The following STARD7 variants were observed in gnomAD, a reference collection of about 807,000 sequenced individuals.
STARD7 encodes StAR related lipid transfer domain containing 7.
STARD7 carries 30 observed loss-of-function variants against 45.3 expected under a neutral mutation model. The ratio of observed to expected loss-of-function variants is 0.66; its 90% CI spans 0.50 to 0.90. The LOEUF is 0.90. Ranked by LOEUF, STARD7 falls within the 40% of genes least tolerant of loss-of-function variation. The pLI, the probability that STARD7 is intolerant of heterozygous loss-of-function variation, is 0.00. For synonymous variants in STARD7, 199 were observed against 183.0 expected, an observed-to-expected ratio of 1.09 and a Z score of -0.70; for missense variants, 495 against 491.3, an observed-to-expected ratio of 1.01 and a Z score of -0.07.
chr2:96,187,220 TG>T lies in STARD7; in HGVS notation c.924del (p.Ser309ValfsTer15). The T allele has an allele frequency of 6.2e-7, 1 of 1,612,108 alleles. No individual in the cohort carries two copies. The highest frequency in any genetic ancestry group is 8.5e-7 in the Non-Finnish European group (1 of 1,178,364). ...FPRYCVSWMV[S>X]SGMPDFLEKL... ...CTGTATACTTGCCCTTACTTACCAC[TG>T]GAAACCATCCAACTAACACAGTAGC... On this transcript the variant is annotated frameshift_variant, in exon 7 of 8. Transcript: ENST00000337288. LOFTEE classifies it high-confidence loss of function.
At chr2:96,205,456 G>A (rs1054143483) in intron 1 of STARD7, among the ~76,000 whole-genome samples, 1 of 152,204 alleles carries the variant, frequency 6.6e-6, no homozygotes, top group Admixed American at 6.5e-5. Context: ...GGACAAGTTG[G>A]TACAGAATCA....
rs376930563 is a variant in STARD7, at chr2:96,193,074, A to C, written c.743+4T>G. 2 of 1,610,828 alleles carry C rather than the reference A, an allele frequency of 1.2e-6. No individual in the cohort carries two copies. Among genetic ancestry groups the C allele is most frequent in the South Asian group, 1.1e-5 (1 of 90,814 alleles). On this transcript the variant is annotated splice_donor_region_variant and intron_variant, in intron 5 of 7. Coordinates refer to ENST00000337288, the MANE Select transcript of STARD7 (RefSeq NM_020151.4). ...CGGCAACAGCCACAGGCAGCCATAC[A>C]TACCGCGACACCAACACCATCATGT... is the stretch of plus-strand genomic sequence containing the variant.
At chr2:96,188,686 C>A (rs1404670709) in intron 6 of STARD7, among the ~76,000 whole-genome samples, 1 of 151,512 alleles carries the variant, frequency 6.6e-6, no homozygotes, top group African/African-American at 2.4e-5. Context: ...GAGTTTGAGA[C>A]CACCCTGGCC....
At chr2:96,198,925 T>C (rs1384889679) in intron 1 of STARD7, among the ~76,000 whole-genome samples, 3 of 152,210 alleles carry the variant, frequency 2.0e-5, no homozygotes, top group African/African-American at 7.2e-5. Context: ...CCAGTGTCAT[T>C]TGTCGAAAAG....
chr2:96,199,075 T>C (rs1250163460), intron 1 of STARD7, among the ~76,000 whole-genome samples: 3 of 152,228 alleles, frequency 2.0e-5, no homozygotes, highest in Non-Finnish European at 4.4e-5. Flanking sequence ...GTCATTACTG[T>C]AGCTTTGTAA....
At chr2:96,204,447 G>T (rs1284303484) in intron 1 of STARD7, among the ~76,000 whole-genome samples, 3 of 151,648 alleles carry the variant, frequency 2.0e-5, no homozygotes, top group Admixed American at 1.3e-4. Context: ...CAGCTACTCA[G>T]TGGAGGCTGA....
At chr2:96,198,410 G>A (rs1347915612) in intron 1 of STARD7, among the ~76,000 whole-genome samples, 1 of 152,024 alleles carries the variant, frequency 6.6e-6, no homozygotes, top group Non-Finnish European at 1.5e-5. Context: ...ATTCCTAGGA[G>A]CAGATTTGAT....
intron 1 of STARD7, among the ~76,000 whole-genome samples, chr2:96,196,787 G>T (rs1253643223): frequency 6.6e-6 from 1 of 152,010 alleles, no homozygotes; most frequent in African/African-American, 2.4e-5. Flanking sequence ...AATAAAATAG[G>T]CTAGGCGCAG....
intron 1 of STARD7, 127 bp downstream of exon 1, chr2:96,208,018 G>A: frequency 1.2e-6 from 1 of 845,438 alleles, no homozygotes; most frequent in South Asian, 2.0e-5. Flanking sequence ...GCTGAAGCAG[G>A]TTCAATCGAC....
chr2:96,189,789 A>G (rs1683098176), intron 6 of STARD7, among the ~76,000 whole-genome samples: 1 of 151,904 alleles, frequency 6.6e-6, no homozygotes, highest in African/African-American at 2.4e-5. Flanking sequence ...TATTCTTCGT[A>G]TTATTGGTGA....
At chr2:96,205,198 C>T (rs867518575) in intron 1 of STARD7, among the ~76,000 whole-genome samples, 4 of 152,218 alleles carry the variant, frequency 2.6e-5, no homozygotes, top group African/African-American at 9.6e-5. Context: ...CTGATTTCTA[C>T]ATCTGGCCAC....
At chr2:96,196,154 AAAGT>A (rs1477238648) in intron 1 of STARD7, among the ~76,000 whole-genome samples, 8 of 151,930 alleles carry the variant, frequency 5.3e-5, no homozygotes, top group East Asian at 1.9e-4. Flanking sequence ...CAACGAAAAA[AAAGT>A]AAGTGTCAAG....
chr2:96,192,132 C>T (rs866453857), intron 6 of STARD7, among the ~76,000 whole-genome samples: 1 of 152,194 alleles, frequency 6.6e-6, no homozygotes, highest in South Asian at 2.1e-4. Flanking sequence ...ATTCTTTTAA[C>T]TATCTCTCAG....
Position 96,193,066 on chromosome 2 carries a change from AGCCATACATACC to A in STARD7, c.743_743+11del. 1 of 1,604,792 alleles carries A rather than the reference AGCCATACATACC, an allele frequency of 6.2e-7. No homozygotes were observed. Among genetic ancestry groups the A allele is most frequent in the Non-Finnish European group, 8.5e-7 (1 of 1,172,030 alleles). On this transcript the variant is annotated splice_donor_variant and splice_donor_5th_base_variant and coding_sequence_variant and intron_variant, in exon 5 of 8. Transcript: ENST00000337288. LOFTEE classifies it high-confidence loss of function. ...AAGGAACTCGGCAACAGCCACAGGC[AGCCATACATACC>A]GCGACACCAACACCATCATGTTGTT... is the stretch of plus-strand genomic sequence containing the variant.
chr2:96,190,774 C>G (rs929036028), intron 6 of STARD7, among the ~76,000 whole-genome samples: 4 of 152,152 alleles, frequency 2.6e-5, no homozygotes, highest in African/African-American at 9.7e-5. Context: ...TCCCAAGCAG[C>G]TGGGACTACA....
intron 1 of STARD7, among the ~76,000 whole-genome samples, chr2:96,196,282 G>C (rs1683204924): frequency 6.6e-6 from 1 of 152,086 alleles, no homozygotes; most frequent in African/African-American, 2.4e-5. Context: ...GGGAAACACA[G>C]TGAGACCCTA....
At chr2:96,191,160 G>A (rs574924046) in intron 6 of STARD7, among the ~76,000 whole-genome samples, 7 of 152,068 alleles carry the variant, frequency 4.6e-5, no homozygotes, top group Non-Finnish European at 1.0e-4. Context: ...GGGAGACCCT[G>A]TTTCCAAAAA....
At chr2:96,190,644 T>A (rs918576847) in intron 6 of STARD7, among the ~76,000 whole-genome samples, 1 of 151,762 alleles carries the variant, frequency 6.6e-6, no homozygotes, top group African/African-American at 2.4e-5. Flanking sequence ...GGCTTTTTTA[T>A]TTTTTATTTT....
chr2:96,208,242 G>C lies in STARD7; in HGVS notation c.193C>G (p.Leu65Val). The C allele has an allele frequency of 6.2e-7, 1 of 1,612,272 alleles. No homozygotes were observed. Among genetic ancestry groups the C allele is most frequent in the Non-Finnish European group, 8.5e-7 (1 of 1,179,578 alleles). The change falls in exon 1 of 8, where the codon CTG (leucine) becomes GTG (valine). Residue 65 changes from leucine to valine, a missense_variant. Physicochemically the swap from Leu to Val is conservative, Grantham distance 32. This residue lies in a region of STARD7 where 282 missense variants were observed against 220.1 expected (regional missense o/e 1.28). Transcript: ENST00000337288. ...RVLLGRLWRR[L>V]HGRPGHASAL... ...GAGGCATGGCCAGGACGGCCGTGCAGCCGGCGCCAGAGGCGGCCGAGGAGA... is the reference window on the plus strand; with the variant it reads ...GAGGCATGGCCAGGACGGCCGTGCACCCGGCGCCAGAGGCGGCCGAGGAGA...
Sources: allele counts gnomAD v4.1 joint callset (sites outside exome capture counted in the v4.1 genomes callset), GRCh38; gene constraint gnomAD v4.1.1; regional missense constraint gnomAD v4.1.1; transcripts MANE v1.5; gene names NCBI Gene and HGNC (gene_info 2026-07-23, HGNC 2026-07-21).